The following DCC variants were observed in gnomAD, a reference collection of about 807,000 sequenced individuals.
DCC encodes netrin receptor DCC.
DCC carries 58 observed loss-of-function variants against 172.5 expected under a neutral mutation model. The observed-to-expected ratio is 0.34, with a 90% CI of 0.27 to 0.42. DCC has a LOEUF of 0.42. Ranked by LOEUF, DCC falls within the 10% of genes least tolerant of loss-of-function variation. DCC has a pLI of 1.00. For missense variants in DCC, 1,740 were observed against 1,791.0 expected (o/e 0.97, Z 0.51); for synonymous variants, 709 against 644.5 (o/e 1.10, Z -1.52).
At position 52,514,498 on chromosome 18, in the gene DCC, T is replaced by C. The variant is rs146299186; in HGVS notation, c.91+173620T>C. On this transcript the variant is annotated intron_variant, in intron 1 of 28. Transcript: ENST00000442544. ...TCTCCAGACATTACCAAATATCCCC[T>C]ATGGGGAATAAAAATTGCCTTCAGA... Among the ~76,000 whole-genome samples, 708 of 152,324 alleles carry C rather than the reference T, an allele frequency of 4.6e-3. 7 individuals are homozygous for C. The highest frequency in any genetic ancestry group is 0.015 in the South Asian group (71 of 4,826).
At chr18:52,918,129 G>T (rs1192486250) in intron 3 of DCC, among the ~76,000 whole-genome samples, 1 of 152,028 alleles carries the variant, frequency 6.6e-6, no homozygotes, top group Non-Finnish European at 1.5e-5. Flanking sequence ...AGAATAAAAT[G>T]GAAAATGACC....
chr18:53,420,106 T>C (rs1910556145), intron 21 of DCC, among the ~76,000 whole-genome samples: 1 of 152,106 alleles, frequency 6.6e-6, no homozygotes, highest in South Asian at 2.1e-4. Flanking sequence ...CCGCCTGTCT[T>C]GGCCTCTTAA....
chr18:52,894,444 A>G (rs116051476), intron 2 of DCC, among the ~76,000 whole-genome samples: 2 of 150,312 alleles, frequency 1.3e-5, no homozygotes, highest in Non-Finnish European at 3.0e-5. Flanking sequence ...ATAAGTATGT[A>G]TTTATATTAT....
chr18:52,582,185 C>G (rs572560705), intron 1 of DCC, among the ~76,000 whole-genome samples: 84 of 152,174 alleles, frequency 5.5e-4, no homozygotes, highest in African/African-American at 1.9e-3. Context: ...ATTCTTCAGC[C>G]CAATTGCCCC....
chr18:52,899,973 T>TAGAATAAC (rs1281764994), intron 2 of DCC, among the ~76,000 whole-genome samples: 2 of 152,220 alleles, frequency 1.3e-5, no homozygotes, highest in African/African-American at 4.8e-5. Context: ...GCTTACAGTA[T>TAGAATAAC]AGAATAACAT....
At chr18:53,261,642 G>T (rs1223899253) in intron 12 of DCC, among the ~76,000 whole-genome samples, 1 of 152,090 alleles carries the variant, frequency 6.6e-6, no homozygotes, top group East Asian at 1.9e-4. Context: ...TCTCCGAGTA[G>T]CTGGGACTAC....
intron 5 of DCC, among the ~76,000 whole-genome samples, chr18:52,933,007 A>AGATATAT (rs1226690421): frequency 6.6e-6 from 1 of 152,142 alleles, no homozygotes; most frequent in Non-Finnish European, 1.5e-5. Context: ...GGCCAAATAA[A>AGATATAT]GATATATGGG....
intron 12 of DCC, among the ~76,000 whole-genome samples, chr18:53,217,510 T>A (rs1468844694): frequency 6.6e-6 from 1 of 152,094 alleles, no homozygotes; most frequent in African/African-American, 2.4e-5. Context: ...AAAGTCACAC[T>A]CCCTCTCTCC....
At chr18:53,354,110 G>A (rs1319373760) in intron 15 of DCC, among the ~76,000 whole-genome samples, 1 of 152,182 alleles carries the variant, frequency 6.6e-6, no homozygotes, top group African/African-American at 2.4e-5. Context: ...TTTTATGGCT[G>A]CATAGTATCC....
intron 1 of DCC, among the ~76,000 whole-genome samples, chr18:52,678,337 T>C (rs1217571137): frequency 6.6e-6 from 1 of 152,156 alleles, no homozygotes; most frequent in Non-Finnish European, 1.5e-5. Context: ...AGCCTCATGG[T>C]CTTTGGGGTA....
In DCC at chr18:52,950,929, C is replaced by CAAAAAA. The variant is rs755118442; in HGVS notation, c.985+25596_985+25601dup. ...TGGGCGACAGAGTGAGACTCCGTCTCAAAAAAAAAAAAAAAAAAAAAAAAA... is the reference window on the plus strand; with the variant it reads ...TGGGCGACAGAGTGAGACTCCGTCTCAAAAAAAAAAAAAAAAAAAAAAAAAAAAAAA... On this transcript the variant is annotated intron_variant, in intron 5 of 28. Coordinates refer to ENST00000442544, the MANE Select transcript of DCC (RefSeq NM_005215.4). Among the ~76,000 whole-genome samples the CAAAAAA allele has an allele frequency of 3.0e-3, 171 of 57,424 alleles. 28 individuals are homozygous for CAAAAAA. Among genetic ancestry groups the CAAAAAA allele is most frequent in the Admixed American group, 5.1e-3 (17 of 3,312 alleles). The allele number at this position is 57,424 out of a possible 152,430, so 37.7% of individuals were successfully genotyped here.
chr18:52,642,766 C>A (rs527935131), intron 1 of DCC, among the ~76,000 whole-genome samples: 253 of 152,272 alleles, frequency 1.7e-3, no homozygotes, highest in African/African-American at 5.9e-3. Flanking sequence ...TGGGTTGAGG[C>A]AATCATCCCA....
chr18:52,813,427 T>C (rs1279932984), intron 2 of DCC, among the ~76,000 whole-genome samples: 1 of 152,198 alleles, frequency 6.6e-6, no homozygotes, highest in Non-Finnish European at 1.5e-5. Flanking sequence ...ACATTCTGTA[T>C]GCAAAGTGGG....
At chr18:52,833,770 CCTGCCTCAGCCTCCCAAGTAA>C (rs2032141597) in intron 2 of DCC, among the ~76,000 whole-genome samples, 1 of 152,166 alleles carries the variant, frequency 6.6e-6, no homozygotes, top group Admixed American at 6.5e-5. Flanking sequence ...GAGCAGTCCT[CCTGCCTCAGCCTCCCAAGTAA>C]CTGGGACTAC....
At chr18:52,674,418 T>C (rs1224402971) in intron 1 of DCC, among the ~76,000 whole-genome samples, 3 of 152,112 alleles carry the variant, frequency 2.0e-5, no homozygotes, top group African/African-American at 7.2e-5. Flanking sequence ...CCACAACAGA[T>C]TGGATGGTGT....
At chr18:52,824,544 A>T (rs2038471181) in intron 2 of DCC, among the ~76,000 whole-genome samples, 1 of 152,218 alleles carries the variant, frequency 6.6e-6, no homozygotes, top group African/African-American at 2.4e-5. Flanking sequence ...TTTCAAAAAA[A>T]AATTAGAGAA....
intron 7 of DCC, among the ~76,000 whole-genome samples, chr18:53,088,488 T>C (rs2042952519): frequency 6.6e-6 from 1 of 152,180 alleles, no homozygotes; most frequent in Non-Finnish European, 1.5e-5. Context: ...GCTTATCAGC[T>C]TAAGGAGATT....
intron 5 of DCC, among the ~76,000 whole-genome samples, chr18:52,958,057 T>C (rs1218618789): frequency 6.6e-6 from 1 of 152,140 alleles, no homozygotes; most frequent in Non-Finnish European, 1.5e-5. Context: ...GAAAATGAAG[T>C]GCAGCAGGAA....
chr18:53,319,433 GGAAA>G lies in DCC; in HGVS notation c.2054-2606_2054-2603del, dbSNP rs201209657. On this transcript the variant is annotated intron_variant, in intron 13 of 28. Coordinates refer to ENST00000442544, the MANE Select transcript of DCC (RefSeq NM_005215.4). ...CTGGAGGAATATTTACCGAGAAAATGGAAAGAAAGAAGAAAAAAAAGCAGGGGTT... is the reference window on the plus strand; with the variant it reads ...CTGGAGGAATATTTACCGAGAAAATGGAAAGAAGAAAAAAAAGCAGGGGTT... Among the ~76,000 whole-genome samples the G allele has an allele frequency of 1.2e-4, 18 of 151,870 alleles. No individual in the cohort carries two copies. In the East Asian group the frequency reaches 3.1e-3, roughly 26 times the overall value.
Sources: allele counts gnomAD v4.1 joint callset (sites outside exome capture counted in the v4.1 genomes callset), GRCh38; gene constraint gnomAD v4.1.1; transcripts MANE v1.5; gene names NCBI Gene and HGNC (gene_info 2026-07-23, HGNC 2026-07-21).